Variants in MAGEC3 observed in about 807,000 individuals in gnomAD.
MAGEC3 encodes melanoma-associated antigen C3.
Under a neutral mutation model 35.3 loss-of-function variants are expected in MAGEC3, and 34 were observed. That is an observed-to-expected ratio of 0.96 (90% confidence interval 0.73 to 1.28). The LOEUF is 1.28. MAGEC3 is among the 50% of genes most tolerant of loss of function. The pLI is 0.00. For missense variants in MAGEC3, 561 were observed against 483.6 expected (o/e 1.16, Z -1.50); for synonymous variants, 202 against 185.6 (o/e 1.09, Z -0.72).
rs769075089 is a variant in MAGEC3 at position 141,895,508 on chromosome X, G to A, written c.1072G>A (p.Asp358Asn). The part of the protein sequence containing the change: ...PQGLAGHRQE[D>N]GRRGLTEASP... The stretch of plus-strand genomic sequence containing the variant: ...AGGACTTGCAGGCCACAGACAGGAA[G>A]ATGGCCGCCGAGGGCTGACCGAGGC... Residue 358 changes from aspartate (D) to asparagine (N), a missense_variant, in exon 6 of 8, where the codon GAT (aspartate) becomes AAT (asparagine). By Grantham distance (23) the Asp-to-Asn change is conservative. Transcript: ENST00000298296. 8.3e-7 allele frequency: 1 copy of A among 1,208,282 alleles called. No individual in the cohort carries two copies. Among genetic ancestry groups the A allele is most frequent in the East Asian group, 3.0e-5 (1 of 33,676 alleles).
At chrX:141,843,953 T>C (rs771749411) in intron 1 of MAGEC3, among the ~76,000 whole-genome samples, 1 of 110,894 alleles carries the variant, frequency 9.0e-6, no homozygotes, top group African/African-American at 3.3e-5. Context: ...CGTTGAACTT[T>C]GTAGTACTTA....
chrX:141,894,398 GAC>G (rs2018067651), intron 4 of MAGEC3, among the ~76,000 whole-genome samples: 1 of 112,031 alleles, frequency 8.9e-6, no homozygotes, highest in Non-Finnish European at 1.9e-5. Flanking sequence ...CTGCTGAAAA[GAC>G]AATGGATTTT....
At chrX:141,857,271 G>A (rs1208162736) in intron 1 of MAGEC3, among the ~76,000 whole-genome samples, 3 of 110,695 alleles carry the variant, frequency 2.7e-5, no homozygotes, top group African/African-American at 9.8e-5. Flanking sequence ...GTAAGTAGTG[G>A]CCCAAATCCA....
intron 4 of MAGEC3, among the ~76,000 whole-genome samples, chrX:141,890,715 CTATCATAAAT>C (rs1569475374): frequency 1.8e-5 from 2 of 112,261 alleles, no homozygotes; most frequent in Non-Finnish European, 3.8e-5. Flanking sequence ...AGGAGACTTA[CTATCATAAAT>C]TATAACAGTT....
At chrX:141,858,854 G>A (rs2017797733) in intron 1 of MAGEC3, among the ~76,000 whole-genome samples, 1 of 111,038 alleles carries the variant, frequency 9.0e-6, no homozygotes, top group Non-Finnish European at 1.9e-5. Context: ...AATAATGAGT[G>A]TGGCTGGGTT....
At position 141,885,366 on chromosome X, in the gene MAGEC3, G is replaced by A. The variant is rs1307085671; in HGVS notation, c.909+3570G>A. Reference sequence around the variant, plus strand: ...TCTGCATTTAATGTTGCAGCTTGGGGAGTTAAAAAAGGTTCTAAGGCCGGG... The same window carrying A: ...TCTGCATTTAATGTTGCAGCTTGGGAAGTTAAAAAAGGTTCTAAGGCCGGG... On this transcript the variant is annotated intron_variant, in intron 4 of 7. Coordinates refer to ENST00000298296, the MANE Select transcript of MAGEC3 (RefSeq NM_138702.1). Among the ~76,000 whole-genome samples, 10 of 110,116 alleles carry A rather than the reference G, an allele frequency of 9.1e-5. No homozygotes were observed. In the Admixed American group the frequency reaches 9.8e-4, roughly 11 times the overall value.
At chrX:141,866,060 ATG>A (rs1312602398) in intron 2 of MAGEC3, among the ~76,000 whole-genome samples, 1 of 111,443 alleles carries the variant, frequency 9.0e-6, no homozygotes, top group Non-Finnish European at 1.9e-5. Flanking sequence ...AAGAGTAAAT[ATG>A]ATTACCTTGA....
Position 141,896,926 on chromosome X carries a change from A to T in MAGEC3, c.1168A>T (p.Ser390Cys). 8.5e-7 allele frequency: 1 copy of T among 1,180,514 alleles called. No individual in the cohort carries two copies. Among genetic ancestry groups the T allele is most frequent in the Non-Finnish European group, 1.1e-6 (1 of 880,409 alleles). ...TGCTGGGATGCCACCTCTTCCCCAG[A>T]GTCCTCCTGAGATTCCTCCCCAGGG... The part of the protein sequence containing the change: ...PAAGMPPLPQ[S>C]PPEIPPQGPP... The change falls in exon 7 of 8, where the codon AGT becomes TGT. Residue 390 changes from serine (S) to cysteine (C), a missense_variant. By Grantham distance (112) the Ser-to-Cys change is moderately radical. Coordinates refer to ENST00000298296, the MANE Select transcript of MAGEC3 (RefSeq NM_138702.1).
At chrX:141,838,886 C>T (rs912287962) in intron 1 of MAGEC3, 1 of 741,281 alleles carries the variant, frequency 1.3e-6, no homozygotes, top group Non-Finnish European at 1.6e-6. Context: ...TACTGGGCTC[C>T]AGGACAGTGC....
intron 4 of MAGEC3, among the ~76,000 whole-genome samples, chrX:141,886,564 G>C (rs925256225): frequency 1.8e-5 from 2 of 111,203 alleles, no homozygotes; most frequent in Non-Finnish European, 3.8e-5. Context: ...ATGACATTTT[G>C]GTCCTCCAGT....
At chrX:141,860,157 G>T in intron 1 of MAGEC3, among the ~76,000 whole-genome samples, 1 of 109,322 alleles carries the variant, frequency 9.1e-6, no homozygotes, top group East Asian at 2.9e-4. Flanking sequence ...GCAGAGAGCT[G>T]ATCTTCCATC....
chrX:141,881,501 T>G lies in MAGEC3; in HGVS notation c.614T>G (p.Leu205Arg). 8.3e-7 allele frequency: 1 copy of G among 1,211,409 alleles called. No homozygotes were observed. The highest frequency in any genetic ancestry group is 1.1e-6 in the Non-Finnish European group (1 of 895,377). The change falls in exon 4 of 8, where the codon CTC (leucine) becomes CGC (arginine). Residue 205 changes from leucine to arginine, a missense_variant. Coordinates refer to ENST00000298296, the MANE Select transcript of MAGEC3 (RefSeq NM_138702.1). ...LLLKYQAKEP[L>R]TRAEMQMNVI... is the part of the protein sequence containing the mutation. The stretch of plus-strand genomic sequence containing the variant: ...CTCAAATATCAAGCAAAAGAGCCTC[T>G]CACAAGAGCAGAGATGCAGATGAAT...
intron 4 of MAGEC3, among the ~76,000 whole-genome samples, chrX:141,893,714 TG>T (rs148119130): frequency 0.34 from 25,669 of 76,175 alleles, 3,261 homozygotes; most frequent in Non-Finnish European, 0.35. Context: ...GGGCAGGAAT[TG>T]GGGGGGGGGG....
intron 4 of MAGEC3, among the ~76,000 whole-genome samples, chrX:141,884,292 T>C (rs1210217529): frequency 1.8e-5 from 2 of 111,777 alleles, no homozygotes; most frequent in Non-Finnish European, 3.8e-5. Context: ...AAGGCTAGAC[T>C]GGCTTAGCCT....
At chrX:141,875,963 C>T (rs1328925390) in intron 2 of MAGEC3, among the ~76,000 whole-genome samples, 1 of 111,854 alleles carries the variant, frequency 8.9e-6, no homozygotes, top group Admixed American at 9.5e-5. Flanking sequence ...CTGAGTTGAT[C>T]CTGGCCATAG....
At chrX:141,891,087 C>T (rs938400385) in intron 4 of MAGEC3, among the ~76,000 whole-genome samples, 2 of 111,935 alleles carry the variant, frequency 1.8e-5, no homozygotes, top group African/African-American at 3.2e-5. Flanking sequence ...TCTGTGGGCT[C>T]TCTTTGGCTT....
chrX:141,869,708 G>C (rs774603477), intron 2 of MAGEC3, among the ~76,000 whole-genome samples: 3 of 111,830 alleles, frequency 2.7e-5, no homozygotes, highest in African/African-American at 9.7e-5. Flanking sequence ...AGAAAATAAC[G>C]ATTGTCTGTA....
intron 1 of MAGEC3, among the ~76,000 whole-genome samples, chrX:141,853,171 T>C (rs1441154774): frequency 9.0e-6 from 1 of 111,389 alleles, no homozygotes; most frequent in East Asian, 2.8e-4. Context: ...TACATCCGCC[T>C]TTTAAAAAGA....
At chrX:141,864,411 CA>C (rs57317281) in intron 1 of MAGEC3, among the ~76,000 whole-genome samples, 32,333 of 109,132 alleles carry the variant, frequency 0.3, 3,853 homozygotes, top group East Asian at 0.72. Context: ...TTATTTCACA[CA>C]GTAATGGTAT....
Sources: allele counts gnomAD v4.1 joint callset (sites outside exome capture counted in the v4.1 genomes callset), GRCh38; gene constraint gnomAD v4.1.1; transcripts MANE v1.5; gene names NCBI Gene and HGNC (gene_info 2026-07-23, HGNC 2026-07-21).